The following LGI4 variants were observed in gnomAD, a reference collection of about 807,000 sequenced individuals.
LGI4 encodes leucine-rich repeat LGI family member 4.
Under a neutral mutation model 48.3 loss-of-function variants are expected in LGI4, and 36 were observed. The ratio of observed to expected loss-of-function variants is 0.75; its 90% CI spans 0.57 to 0.98. The LOEUF (loss-of-function observed/expected upper bound fraction) is 0.98, where lower values mean the gene tolerates loss of function less well. Ranked by LOEUF, LGI4 falls within the 50% of genes least tolerant of loss-of-function variation. The pLI, the probability that LGI4 is intolerant of heterozygous loss-of-function variation, is 0.00. For missense variants in LGI4, 701 were observed against 732.1 expected (o/e 0.96, Z 0.49); for synonymous variants, 355 against 331.6 (o/e 1.07, Z -0.77).
intron 3 of LGI4, 72 bp from the exon 4 acceptor site, chr19:35,132,114 C>A: frequency 7.9e-7 from 1 of 1,267,254 alleles, no homozygotes; most frequent in South Asian, 1.3e-5. Context: ...AAGACATAGG[C>A]CCACTGGAAG....
chr19:35,127,676 G>A (rs2065149597), intron 6 of LGI4, among the ~76,000 whole-genome samples: 2 of 152,164 alleles, frequency 1.3e-5, no homozygotes, highest in Admixed American at 6.5e-5. Context: ...GTGAGGCACC[G>A]TGCCCGGCCC....
chr19:35,131,720 G>A (rs1303464146), intron 5 of LGI4, 69 bp downstream of exon 5: 15 of 1,421,512 alleles, frequency 1.1e-5, no homozygotes, highest in Non-Finnish European at 1.5e-5. Flanking sequence ...ACCAGAAGTG[G>A]GCACGGATGC....
chr19:35,134,473 G>T lies in LGI4; in HGVS notation c.170+38C>A, dbSNP rs201360442. 4 of 1,555,718 alleles carry T rather than the reference G, an allele frequency of 2.6e-6. No individual in the cohort carries two copies. The South Asian group carries it at 3.6e-5, about 14-fold the overall frequency. Reference sequence around the variant, plus strand: ...CAACCTCTGGGGTCCCAGGACTTCCGTCCCCACCTTCGGGCATGCAGAAGG... The same window carrying T: ...CAACCTCTGGGGTCCCAGGACTTCCTTCCCCACCTTCGGGCATGCAGAAGG... On this transcript the variant is annotated intron_variant, in intron 1 of 8. Transcript: ENST00000310123.
In LGI4 at chr19:35,134,864, G is replaced by A. The variant is rs2065199239; in HGVS notation, c.-184C>T. The stretch of plus-strand genomic sequence containing the variant: ...TCCTCCCTGTTCGTATGTCTTTGGT[G>A]TCTAATTTTCTGTTTCTCTTTCTCC... On this transcript the variant is annotated 5_prime_UTR_variant, in exon 1 of 9. Transcript: ENST00000310123. 1.9e-6 allele frequency: 1 copy of A among 520,798 alleles called. No homozygotes were observed. Among genetic ancestry groups the A allele is most frequent in the Non-Finnish European group, 3.4e-6 (1 of 298,008 alleles). The allele number at this position is 520,798 out of a possible 1,614,324, so 32.3% of individuals were successfully genotyped here.
In LGI4 at chr19:35,131,499, C is replaced by T; in HGVS notation, c.515G>A (p.Trp172Ter). 6.4e-7 allele frequency: 1 copy of T among 1,551,300 alleles called. No homozygotes were observed. The highest frequency in any genetic ancestry group is 8.7e-7 in the Non-Finnish European group (1 of 1,146,950). Residue 172 changes from tryptophan (W) to a stop codon, truncating the protein, a stop_gained, in exon 6 of 9, where the codon TGG becomes TAG. Coordinates refer to ENST00000310123, the MANE Select transcript of LGI4 (RefSeq NM_139284.3). LOFTEE classifies it high-confidence loss of function. The part of the protein sequence containing the change: ...CDCRVLWLLQ[W>*]MPTVNASVGT... ...CACGCTGGCATTCACGGTGGGCATCCACTGCAGGAGCCAGAGGACGCGGCA... is the reference window on the plus strand; with the variant it reads ...CACGCTGGCATTCACGGTGGGCATCTACTGCAGGAGCCAGAGGACGCGGCA...
intron 6 of LGI4, among the ~76,000 whole-genome samples, chr19:35,128,747 C>T (rs1750178206): frequency 6.6e-6 from 1 of 152,092 alleles, no homozygotes; most frequent in South Asian, 2.1e-4. Flanking sequence ...ACTTTCTATT[C>T]TTGCCATGGC....
rs763288456 is a variant in LGI4, at chr19:35,131,547, C to T, written c.467G>A (p.Arg156His). The T allele has an allele frequency of 1.6e-5, 25 of 1,550,410 alleles. No individual in the cohort carries two copies. Among genetic ancestry groups the T allele is most frequent in the East Asian group, 2.4e-5 (1 of 40,924 alleles). The change falls in exon 6 of 9, where the codon CGC becomes CAC. Residue 156 changes from arginine to histidine, a missense_variant. Around this residue, in one of 3 missense-constraint regions of LGI4, gnomAD observed 462 missense variants for 436.4 expected, o/e 1.06. Coordinates refer to ENST00000310123, the MANE Select transcript of LGI4 (RefSeq NM_139284.3). Reference protein sequence around the residue: ...GLDTLTHVDLRGNPFQCDCRV... With the variant: ...GLDTLTHVDLHGNPFQCDCRV... ...GCAGTCACACTGGAACGGGTTCCCG[C>T]GGAGGTCCCTGGGGCAAGAGGCCAG...
rs1286437310 is a variant in LGI4 at position 35,132,011 on chromosome 19, A to G, written c.346T>C (p.Ser116Pro). 3 of 1,586,252 alleles carry G rather than the reference A, an allele frequency of 1.9e-6. No individual in the cohort carries two copies. Among genetic ancestry groups the G allele is most frequent in the Non-Finnish European group, 2.6e-6 (3 of 1,165,884 alleles). Residue 116 changes from serine (S) to proline (P), a missense_variant, in exon 4 of 9, where the codon TCT (serine) becomes CCT (proline). Physicochemically the swap from Ser to Pro is moderately conservative, Grantham distance 74. Transcript: ENST00000310123. The part of the protein sequence containing the change: ...FIEDNEIGSI[S>P]KNALRGLRSL... ...CGAAGTCCTCTGAGGGCATTCTTAG[A>G]GATGGAGCCAATCTCATTGTCCTCG... is the stretch of plus-strand genomic sequence containing the variant.
At chr19:35,131,891 G>A in intron 4 of LGI4, 31 bp from the exon 5 acceptor site, 1 of 1,563,794 alleles carries the variant, frequency 6.4e-7, no homozygotes, top group African/African-American at 1.4e-5. Flanking sequence ...ACCGTCAGCA[G>A]CCACAAGGAT....
At chr19:35,131,921 G>A (rs1363861853) in intron 4 of LGI4, 50 bp downstream of exon 4, 2 of 1,567,352 alleles carry the variant, frequency 1.3e-6, no homozygotes, top group African/African-American at 2.7e-5. Context: ...TCCCTGGGGG[G>A]TGGAGCATGG....
rs1251055769 is a variant in LGI4 at position 35,131,477 on chromosome 19, G to T, written c.537C>A (p.Ser179Arg). 6.4e-7 allele frequency: 1 copy of T among 1,551,376 alleles called. No homozygotes were observed. Among genetic ancestry groups the T allele is most frequent in the Non-Finnish European group, 8.7e-7 (1 of 1,147,012 alleles). The change falls in exon 6 of 9, where the codon AGC (serine) becomes AGA (arginine). Residue 179 changes from serine (S) to arginine (R), a missense_variant. Transcript: ENST00000310123. Reference sequence around the variant, plus strand: ...GGCCCGCACAGGCGCCGGTCCCCACGCTGGCATTCACGGTGGGCATCCACT... The same window carrying T: ...GGCCCGCACAGGCGCCGGTCCCCACTCTGGCATTCACGGTGGGCATCCACT... ...LLQWMPTVNA[S>R]VGTGACAGPA...
intron 3 of LGI4, among the ~76,000 whole-genome samples, chr19:35,132,442 CCAT>C: frequency 6.6e-6 from 1 of 151,778 alleles, no homozygotes; most frequent in Admixed American, 6.6e-5. Context: ...CCTGCCACCA[CCAT>C]CACCACCACC....
Position 35,126,916 on chromosome 19 carries a change from G to C in LGI4, c.730C>G (p.Arg244Gly), listed in dbSNP as rs927920275. 2 of 1,613,672 alleles carry C rather than the reference G, an allele frequency of 1.2e-6. No individual in the cohort carries two copies. Among genetic ancestry groups the C allele is most frequent in the Non-Finnish European group, 1.7e-6 (2 of 1,179,920 alleles). The change falls in exon 7 of 9, where the codon CGC (arginine) becomes GGC (glycine). Residue 244 changes from arginine (R) to glycine (G), a missense_variant. By Grantham distance (125) the Arg-to-Gly change is moderately radical (BLOSUM62 -2). Around this residue, in one of 3 missense-constraint regions of LGI4, gnomAD observed 462 missense variants for 436.4 expected, o/e 1.06. Coordinates refer to ENST00000310123, the MANE Select transcript of LGI4 (RefSeq NM_139284.3). ...HIVLAQPFAG[R>G]CLILSWDYSL... is the part of the protein sequence containing the mutation. ...TAGTCCCAGGAGAGAATCAGGCAGC[G>C]GCCGGCGAAGGGCTGTGCCAGCACA...
At chr19:35,127,071 G>C (rs2065145791) in intron 6 of LGI4, 54 bp from the exon 7 acceptor site, 1 of 1,504,612 alleles carries the variant, frequency 6.6e-7, no homozygotes, top group East Asian at 2.3e-5. Context: ...GGTCCTCATT[G>C]CTGAGCCTCA....
At chr19:35,134,460 T>C (rs998829864) in intron 1 of LGI4, 51 bp downstream of exon 1, 24 of 1,539,528 alleles carry the variant, frequency 1.6e-5, no homozygotes, top group Non-Finnish European at 2.0e-5. Flanking sequence ...ACCTCTGGGG[T>C]CCCAGGACTT....
In LGI4 at chr19:35,126,475, G is replaced by A. The variant is rs1054381893; in HGVS notation, c.1094C>T (p.Thr365Met). 23 of 1,569,286 alleles carry A rather than the reference G, an allele frequency of 1.5e-5. No homozygotes were observed. The Admixed American group carries it at 2.0e-4, about 14-fold the overall frequency. The change falls in exon 8 of 9, where the codon ACG (threonine) becomes ATG (methionine). Residue 365 changes from threonine to methionine, a missense_variant. By Grantham distance (81) the Thr-to-Met change is moderately conservative. Transcript: ENST00000310123. ...GTCCAGCTCCAGGGCCTCAGCGTCCGTGTCCCGGTGCCAGGCGTGCAGGCT... is the reference window on the plus strand; with the variant it reads ...GTCCAGCTCCAGGGCCTCAGCGTCCATGTCCCGGTGCCAGGCGTGCAGGCT... ...HQSLHAWHRD[T>M]DAEALELDGR...
chr19:35,128,633 C>A lies in LGI4; in HGVS notation c.629-1616G>T, dbSNP rs114758281. 3.4e-3 allele frequency among the ~76,000 whole-genome samples: 518 copies of A among 152,244 alleles called. 4 individuals are homozygous for A. The highest frequency in any genetic ancestry group is 0.012 in the African/African-American group (498 of 41,534). On this transcript the variant is annotated intron_variant, in intron 6 of 8. Coordinates refer to ENST00000310123, the MANE Select transcript of LGI4 (RefSeq NM_139284.3). ...GGCTGGGGCAGGAGGATCACCTGAG[C>A]CTGGGGAGGTCAAGGCCTCAGTGAG...
At position 35,126,449 on chromosome 19, in the gene LGI4, C is replaced by T. The variant is rs777080142; in HGVS notation, c.1120G>A (p.Gly374Ser). The T allele has an allele frequency of 8.8e-6, 14 of 1,589,998 alleles. No individual in the cohort carries two copies. The highest frequency in any genetic ancestry group is 1.1e-5 in the South Asian group (1 of 87,744). The change falls in exon 8 of 9, where the codon GGC becomes AGC. Residue 374 changes from glycine (G) to serine (S), a missense_variant. Coordinates refer to ENST00000310123, the MANE Select transcript of LGI4 (RefSeq NM_139284.3). ...GAGGCCAGCAGCAGGTGGGGCCGGC[C>T]GTCCAGCTCCAGGGCCTCAGCGTCC... ...DTDAEALELD[G>S]RPHLLLASAS...
At chr19:35,132,186 T>G in intron 3 of LGI4, 144 bp from the exon 4 acceptor site, 1 of 698,232 alleles carries the variant, frequency 1.4e-6, no homozygotes, top group Non-Finnish European at 2.5e-6. Context: ...AAACCTCTCC[T>G]CCCAAAGTCC....
Sources: allele counts gnomAD v4.1 joint callset (sites outside exome capture counted in the v4.1 genomes callset), GRCh38; gene constraint gnomAD v4.1.1; regional missense constraint gnomAD v4.1.1; transcripts MANE v1.5; gene names NCBI Gene and HGNC (gene_info 2026-07-23, HGNC 2026-07-21).